SV2C: variants seen among roughly 807,000 people sequenced by gnomAD.
The protein encoded by SV2C is solute carrier family 22 member B3.
Under a neutral mutation model 79.7 loss-of-function variants are expected in SV2C, and 49 were observed. The observed-to-expected ratio is 0.61, with a 90% CI of 0.49 to 0.78. SV2C has a LOEUF of 0.78. Ranked by LOEUF, SV2C falls within the 30% of genes least tolerant of loss-of-function variation. The pLI, the probability that SV2C is intolerant of heterozygous loss-of-function variation, is 0.00. For missense variants in SV2C, 833 were observed against 912.9 expected (o/e 0.91, Z 1.13); for synonymous variants, 334 against 333.2 (o/e 1.00, Z -0.03).
chr5:76,258,462 G>A (rs754461577), intron 4 of SV2C, among the ~76,000 whole-genome samples: 3 of 152,162 alleles, frequency 2.0e-5, no homozygotes, highest in African/African-American at 4.8e-5. Context: ...GCTAGAAGGA[G>A]CTTGACCTTC....
the SV2C span, among the ~76,000 whole-genome samples, chr5:76,034,294 G>C: frequency 1.3e-5 from 2 of 152,136 alleles, no homozygotes; most frequent in Admixed American, 6.5e-5. Flanking sequence ...TGTTGAATAG[G>C]AGTTGTGAGA....
At chr5:75,990,062 A>T in the SV2C span, among the ~76,000 whole-genome samples, 3 of 151,336 alleles carry the variant, frequency 2.0e-5, no homozygotes, top group Non-Finnish European at 4.4e-5. Context: ...GATTGCAAAA[A>T]TTTTCTTTCA....
the SV2C span, among the ~76,000 whole-genome samples, chr5:76,038,795 A>G: frequency 6.6e-6 from 1 of 152,260 alleles, no homozygotes; most frequent in African/African-American, 2.4e-5. Flanking sequence ...CTGCAAGACA[A>G]CTGAGAAAAC....
intron 2 of SV2C, among the ~76,000 whole-genome samples, chr5:76,174,720 A>G (rs946977268): frequency 1.3e-5 from 2 of 152,254 alleles, no homozygotes; most frequent in African/African-American, 4.8e-5. Context: ...GCACGAAAGC[A>G]TAGTTCGTGG....
At chr5:76,335,413 C>A (rs1211214680), downstream of SV2C, among the ~76,000 whole-genome samples, 5 of 115,740 alleles carry the variant, frequency 4.3e-5, no homozygotes, top group Non-Finnish European at 5.0e-5. Flanking sequence ...CACACATTTT[C>A]CTTTTTTTTT....
At chr5:75,874,716 G>C in the SV2C span, among the ~76,000 whole-genome samples, 10 of 151,980 alleles carry the variant, frequency 6.6e-5, no homozygotes, top group Non-Finnish European at 1.2e-4. Context: ...AAAGTTACAG[G>C]ATACAAAATC....
chr5:76,062,900 C>T, the SV2C span, among the ~76,000 whole-genome samples: 3 of 152,106 alleles, frequency 2.0e-5, no homozygotes, highest in Middle Eastern at 3.2e-3. Context: ...TTTTGAATTG[C>T]ATTGATTTTT....
At chr5:75,903,396 A>T in the SV2C span, among the ~76,000 whole-genome samples, 28 of 150,160 alleles carry the variant, frequency 1.9e-4, no homozygotes, top group Middle Eastern at 6.9e-3. Flanking sequence ...AAAGAAATTT[A>T]TATCATTTTC....
At chr5:76,132,438 T>G (rs1748933550) in intron 2 of SV2C, 108 bp downstream of exon 2, 5 of 1,154,686 alleles carry the variant, frequency 4.3e-6, no homozygotes, top group Non-Finnish European at 5.9e-6. Context: ...GCATTTTTTC[T>G]AACAAATTTT....
At chr5:76,088,088 C>G (rs1005522263) in intron 1 of SV2C, among the ~76,000 whole-genome samples, 3 of 152,192 alleles carry the variant, frequency 2.0e-5, no homozygotes, top group Non-Finnish European at 2.9e-5. Flanking sequence ...ACTTCCATCC[C>G]CAGCAACCTT....
intron 4 of SV2C, chr5:76,242,394 A>C: frequency 1.4e-6 from 1 of 739,004 alleles, no homozygotes. Context: ...CCTCTTCTTC[A>C]CACTGCTCCG....
the SV2C span, among the ~76,000 whole-genome samples, chr5:76,044,056 C>T: frequency 6.6e-6 from 1 of 152,162 alleles, no homozygotes; most frequent in Middle Eastern, 3.2e-3. Flanking sequence ...CTAATGCTCT[C>T]CCTCCCCCTG....
chr5:75,972,452 A>G, the SV2C span, among the ~76,000 whole-genome samples: 1 of 152,176 alleles, frequency 6.6e-6, no homozygotes, highest in African/African-American at 2.4e-5. Flanking sequence ...AATATCCAGA[A>G]TCTACAAAGA....
chr5:76,345,787 C>G (rs1413779399), intron 12 of SV2C, among the ~76,000 whole-genome samples: 2 of 152,058 alleles, frequency 1.3e-5, no homozygotes, highest in African/African-American at 4.8e-5. Flanking sequence ...TACAGAAGAA[C>G]CTGAAGCACA....
the SV2C span, among the ~76,000 whole-genome samples, chr5:75,963,478 C>T: frequency 1.3e-5 from 2 of 152,064 alleles, no homozygotes; most frequent in Non-Finnish European, 2.9e-5. Flanking sequence ...TTGTCTTTGT[C>T]TTCTAAAATC....
the SV2C span, among the ~76,000 whole-genome samples, chr5:75,973,370 C>T: frequency 6.6e-6 from 1 of 151,750 alleles, no homozygotes. Context: ...TAGCATGTTC[C>T]TGTAGTCCTA....
At chr5:76,263,278 G>A (rs1055822175) in intron 4 of SV2C, among the ~76,000 whole-genome samples, 6 of 148,696 alleles carry the variant, frequency 4.0e-5, no homozygotes, top group South Asian at 2.2e-4. Context: ...TTTTGTTTTT[G>A]TTTTTGTTTT....
At chr5:76,142,133 T>C (rs1469060025) in intron 2 of SV2C, among the ~76,000 whole-genome samples, 2 of 152,216 alleles carry the variant, frequency 1.3e-5, no homozygotes, top group Non-Finnish European at 2.9e-5. Flanking sequence ...GATTAAGTAT[T>C]TCTAACACAC....
At chr5:76,118,287 G>A (rs771259723) in intron 1 of SV2C, among the ~76,000 whole-genome samples, 4 of 152,078 alleles carry the variant, frequency 2.6e-5, no homozygotes, top group Non-Finnish European at 5.9e-5. Flanking sequence ...TCTCTCTTCT[G>A]TCTGTTATAA....
Sources: allele counts gnomAD v4.1 joint callset (sites outside exome capture counted in the v4.1 genomes callset), GRCh38; gene constraint gnomAD v4.1.1; transcripts MANE v1.5; gene names NCBI Gene and HGNC (gene_info 2026-07-23, HGNC 2026-07-21).